DSCAM: variants seen among roughly 807,000 people sequenced by gnomAD.
DSCAM encodes the protein DS cell adhesion molecule.
Under a neutral mutation model 217.7 loss-of-function variants are expected in DSCAM, and 47 were observed. The observed-to-expected ratio is 0.22, with a 90% CI of 0.17 to 0.28. The LOEUF (loss-of-function observed/expected upper bound fraction) is 0.28. DSCAM is among the 10% of genes least tolerant of loss of function. DSCAM has a pLI of 1.00. For missense variants in DSCAM, 2,080 were observed against 2,618.3 expected (o/e 0.79, Z 4.49); for synonymous variants, 1,056 against 1,015.3 (o/e 1.04, Z -0.76).
intron 9 of DSCAM, among the ~76,000 whole-genome samples, chr21:40,307,479 T>C (rs2074091635): frequency 3.3e-5 from 5 of 152,202 alleles, no homozygotes; most frequent in Non-Finnish European, 1.5e-5. Context: ...TTTTACACTG[T>C]TGGTGGGACT....
chr21:40,213,307 G>A (rs1010401523), intron 11 of DSCAM, among the ~76,000 whole-genome samples: 1 of 152,190 alleles, frequency 6.6e-6, no homozygotes, highest in Non-Finnish European at 1.5e-5. Context: ...GTTAAAGAGT[G>A]CACTGTGAGT....
intron 1 of DSCAM, among the ~76,000 whole-genome samples, chr21:40,789,553 ATTTTT>A (rs3071032): frequency 6.1e-4 from 78 of 128,730 alleles, no homozygotes; most frequent in African/African-American, 1.9e-3. Flanking sequence ...GAGTAGATTG[ATTTTT>A]TTTTTTTTTT....
At chr21:40,299,979 C>T (rs2837562) in intron 9 of DSCAM, among the ~76,000 whole-genome samples, 1 of 151,922 alleles carries the variant, frequency 6.6e-6, no homozygotes, top group Admixed American at 6.6e-5. Flanking sequence ...GTGGGTTTCA[C>T]GTACTCCTAG....
At position 40,102,106 on chromosome 21, in the gene DSCAM, T is replaced by C. The variant is rs146529609; in HGVS notation, c.3697-8232A>G. ...GCTTGGCAAACAGATTAATTTAAAATGAGGCACCATAGAAGTCTGACCAAT... is the reference window on the plus strand; with the variant it reads ...GCTTGGCAAACAGATTAATTTAAAACGAGGCACCATAGAAGTCTGACCAAT... On this transcript the variant is annotated intron_variant, in intron 20 of 32. Coordinates refer to ENST00000400454, the MANE Select transcript of DSCAM (RefSeq NM_001389.5). Among the ~76,000 whole-genome samples, 739 of 152,256 alleles carry C rather than the reference T, an allele frequency of 4.9e-3. 7 individuals carry two copies. Among genetic ancestry groups the C allele is most frequent in the Non-Finnish European group, 3.8e-3 (260 of 68,018 alleles).
intron 3 of DSCAM, among the ~76,000 whole-genome samples, chr21:40,682,642 AGGAAG>A (rs1180564918): frequency 7.6e-5 from 6 of 78,668 alleles, no homozygotes; most frequent in African/African-American, 2.6e-4. Context: ...AGAAAGAAAG[AGGAAG>A]GGAAGGGAAG....
chr21:40,774,358 C>T (rs975026507), intron 1 of DSCAM, among the ~76,000 whole-genome samples: 5 of 152,312 alleles, frequency 3.3e-5, no homozygotes, highest in East Asian at 3.9e-4. Context: ...GGTGAAGCTC[C>T]GTGGGTTGTA....
intron 3 of DSCAM, among the ~76,000 whole-genome samples, chr21:40,650,801 C>T (rs943093198): frequency 3.3e-5 from 5 of 152,186 alleles, no homozygotes; most frequent in African/African-American, 1.2e-4. Context: ...TTAGTCCCAG[C>T]TACTCAGGAG....
intron 3 of DSCAM, among the ~76,000 whole-genome samples, chr21:40,561,201 C>G (rs998283151): frequency 6.6e-6 from 1 of 152,194 alleles, no homozygotes; most frequent in Non-Finnish European, 1.5e-5. Context: ...ATGACCTAAA[C>G]TACAGGTGTG....
chr21:40,273,005 T>C (rs1046772725), intron 11 of DSCAM, among the ~76,000 whole-genome samples: 1 of 152,170 alleles, frequency 6.6e-6, no homozygotes, highest in Non-Finnish European at 1.5e-5. Context: ...TAGACAAGGA[T>C]GAAAATACCT....
chr21:40,617,488 C>T lies in DSCAM; in HGVS notation c.508+75322G>A, dbSNP rs527528171. Among the ~76,000 whole-genome samples the T allele has an allele frequency of 4.6e-5, 7 of 152,276 alleles. 1 individual carries two copies. The highest frequency in any genetic ancestry group is 3.9e-4 in the Admixed American group (6 of 15,300). On this transcript the variant is annotated intron_variant, in intron 3 of 32. Transcript: ENST00000400454. ...GAACACCAGAGGCCACAATCTACCC[C>T]CTCCCAGCTCCTTCTAGGACCCGAG...
chr21:40,263,446 T>G (rs746672842), intron 11 of DSCAM, among the ~76,000 whole-genome samples: 32 of 152,192 alleles, frequency 2.1e-4, no homozygotes, highest in Admixed American at 1.3e-3. Context: ...TTAAGCAATC[T>G]ACCTCTGAAT....
At chr21:40,715,861 A>T (rs2090836407) in intron 1 of DSCAM, among the ~76,000 whole-genome samples, 1 of 152,144 alleles carries the variant, frequency 6.6e-6, no homozygotes, top group South Asian at 2.1e-4. Flanking sequence ...AACTAAGCAA[A>T]ATTTGGTCAT....
intron 3 of DSCAM, among the ~76,000 whole-genome samples, chr21:40,482,130 T>A (rs2075988509): frequency 2.0e-5 from 3 of 152,216 alleles, no homozygotes; most frequent in Non-Finnish European, 4.4e-5. Flanking sequence ...AATGGCTCCA[T>A]GTCACCTTTT....
At chr21:40,481,530 C>CAAAA (rs34586895) in intron 3 of DSCAM, among the ~76,000 whole-genome samples, 13 of 60,478 alleles carry the variant, frequency 2.1e-4, no homozygotes, top group East Asian at 6.2e-4. Context: ...ACTCTGTCTC[C>CAAAA]AAAAAAAAAA....
At chr21:40,775,870 C>G (rs147727825) in intron 1 of DSCAM, among the ~76,000 whole-genome samples, 1 of 152,152 alleles carries the variant, frequency 6.6e-6, no homozygotes, top group Admixed American at 6.5e-5. Flanking sequence ...GGTGGCGAAC[C>G]TTTGCAGTTT....
At chr21:40,632,432 TCA>T (rs2089704972) in intron 3 of DSCAM, among the ~76,000 whole-genome samples, 1 of 152,102 alleles carries the variant, frequency 6.6e-6, no homozygotes, top group Non-Finnish European at 1.5e-5. Flanking sequence ...CACACTACTA[TCA>T]CACATATATT....
At chr21:40,357,448 GA>G (rs563958387) in intron 4 of DSCAM, among the ~76,000 whole-genome samples, 16 of 152,170 alleles carry the variant, frequency 1.1e-4, no homozygotes, top group Non-Finnish European at 2.2e-4. Context: ...CAGTGAACTA[GA>G]AGACACAAAG....
chr21:40,766,669 C>CAAAAAAAAA (rs34935219), intron 1 of DSCAM, among the ~76,000 whole-genome samples: 18 of 66,628 alleles, frequency 2.7e-4, no homozygotes, highest in African/African-American at 9.8e-4. Flanking sequence ...ACAACAATTC[C>CAAAAAAAAA]AAAAAAAAAA....
chr21:40,356,014 A>G lies in DSCAM; in HGVS notation c.656-2271T>C, dbSNP rs556144585. The stretch of plus-strand genomic sequence containing the variant: ...ATAATATTCCTTTGTGTATATAGGA[A>G]TGATATTCCTATGCATGTGTGTATA... On this transcript the variant is annotated intron_variant, in intron 4 of 32. Transcript: ENST00000400454. 7.2e-5 allele frequency among the ~76,000 whole-genome samples: 11 copies of G among 152,298 alleles called. No individual in the cohort carries two copies. The East Asian group carries it at 2.1e-3, about 29-fold the overall frequency.
Sources: allele counts gnomAD v4.1 joint callset (sites outside exome capture counted in the v4.1 genomes callset), GRCh38; gene constraint gnomAD v4.1.1; transcripts MANE v1.5; gene names NCBI Gene and HGNC (gene_info 2026-07-23, HGNC 2026-07-21).